The following PRKCE variants were observed in gnomAD, a reference collection of about 807,000 sequenced individuals.
PRKCE encodes the protein protein kinase C epsilon type.
In PRKCE, 16 loss-of-function variants were observed where a neutral mutation model predicts 85.4. The ratio of observed to expected loss-of-function variants is 0.19; its 90% CI spans 0.13 to 0.28. The LOEUF is 0.28. PRKCE is among the 10% of genes least tolerant of loss of function. The pLI is 1.00. For synonymous variants in PRKCE, 388 were observed against 371.5 expected, an observed-to-expected ratio of 1.04 and a Z score of -0.51; for missense variants, 573 against 975.2, an observed-to-expected ratio of 0.59 and a Z score of 5.49.
At chr2:46,075,096 A>C (rs1296650927) in intron 10 of PRKCE, among the ~76,000 whole-genome samples, 1 of 152,148 alleles carries the variant, frequency 6.6e-6, no homozygotes, top group East Asian at 1.9e-4. Context: ...GCTGGAGTGC[A>C]GTGGCGTGAT....
intron 1 of PRKCE, among the ~76,000 whole-genome samples, chr2:45,718,538 C>G (rs1257916584): frequency 6.6e-6 from 1 of 151,870 alleles, no homozygotes; most frequent in African/African-American, 2.4e-5. Flanking sequence ...GAGATGGAGT[C>G]TCACCATGTT....
intron 2 of PRKCE, among the ~76,000 whole-genome samples, chr2:45,868,374 G>A (rs1231523426): frequency 1.4e-5 from 2 of 145,620 alleles, no homozygotes; most frequent in African/African-American, 5.0e-5. Context: ...TCTTAGGTAA[G>A]GAAGGAAGGA....
At chr2:45,771,496 C>T (rs969483993) in intron 1 of PRKCE, among the ~76,000 whole-genome samples, 1 of 152,158 alleles carries the variant, frequency 6.6e-6, no homozygotes, top group Non-Finnish European at 1.5e-5. Context: ...TCCCCTGCAA[C>T]GGCCTCATCT....
chr2:45,846,819 G>A (rs1189202400), intron 2 of PRKCE, among the ~76,000 whole-genome samples: 1 of 152,184 alleles, frequency 6.6e-6, no homozygotes, highest in African/African-American at 2.4e-5. Context: ...GTAGGTGCTA[G>A]GCCAGGATTG....
intron 8 of PRKCE, among the ~76,000 whole-genome samples, chr2:46,005,793 T>C (rs552239208): frequency 2.6e-5 from 4 of 152,330 alleles, no homozygotes; most frequent in Admixed American, 2.6e-4. Flanking sequence ...TGTGTCTTTA[T>C]ACTCTACCTC....
At chr2:45,719,725 T>C (rs916449044) in intron 1 of PRKCE, among the ~76,000 whole-genome samples, 2 of 152,004 alleles carry the variant, frequency 1.3e-5, no homozygotes, top group African/African-American at 2.4e-5. Flanking sequence ...ACAATCTAGA[T>C]CAAACAAAAT....
At chr2:45,825,382 G>A (rs954066555) in intron 1 of PRKCE, among the ~76,000 whole-genome samples, 5 of 152,350 alleles carry the variant, frequency 3.3e-5, no homozygotes, top group South Asian at 2.1e-4. Flanking sequence ...GGTGTTTAGC[G>A]GTGAGGGGTG....
chr2:46,142,215 A>G (rs994651203), intron 11 of PRKCE, among the ~76,000 whole-genome samples: 2 of 151,998 alleles, frequency 1.3e-5, no homozygotes, highest in Non-Finnish European at 2.9e-5. Flanking sequence ...GGCTTCCCTG[A>G]GCTATCCCAT....
At position 46,185,958 on chromosome 2, in the gene PRKCE, T is replaced by G. The variant is rs1680417845; in HGVS notation, c.*1077T>G. On this transcript the variant is annotated 3_prime_UTR_variant, in exon 15 of 15. Transcript: ENST00000306156. The surrounding 1 kb of genome is among the most constrained non-coding windows in gnomAD (Gnocchi z 4.7). ...TGTTGTGGTTTTTAAACATTAAACA[T>G]GTAAAGTTATATACGAAATATCTGC... The G allele has an allele frequency of 6.6e-6, 1 of 152,374 alleles. No homozygotes were observed. Among genetic ancestry groups the G allele is most frequent in the African/African-American group, 2.4e-5 (1 of 41,468 alleles). 9.4% of individuals were successfully genotyped at this position (152,374 alleles called of 1,614,324 possible).
chr2:46,112,188 G>C (rs890436852), intron 11 of PRKCE, among the ~76,000 whole-genome samples: 1 of 152,108 alleles, frequency 6.6e-6, no homozygotes, highest in Non-Finnish European at 1.5e-5. Flanking sequence ...AGTCGTCTTT[G>C]TCTGAAGCTA....
At chr2:46,085,006 G>GT (rs958098114) in intron 10 of PRKCE, among the ~76,000 whole-genome samples, 27 of 152,102 alleles carry the variant, frequency 1.8e-4, no homozygotes, top group African/African-American at 4.3e-4. Flanking sequence ...CTCTTATTTT[G>GT]TTTTTTTATC....
chr2:45,716,146 G>A (rs572146973), intron 1 of PRKCE, among the ~76,000 whole-genome samples: 1 of 152,340 alleles, frequency 6.6e-6, no homozygotes, highest in Admixed American at 6.5e-5. Context: ...TGGAATCCCT[G>A]GGATGGTTGT....
intron 10 of PRKCE, among the ~76,000 whole-genome samples, chr2:46,069,150 G>T (rs142502987): frequency 6.6e-6 from 1 of 152,230 alleles, no homozygotes; most frequent in African/African-American, 2.4e-5. Context: ...AAGAGGAGAA[G>T]TGGCATGTCT....
chr2:45,908,222 G>A (rs1325785110), intron 2 of PRKCE, among the ~76,000 whole-genome samples: 1 of 152,156 alleles, frequency 6.6e-6, no homozygotes, highest in African/African-American at 2.4e-5. Context: ...TTGGCCCTAT[G>A]GATCTGCTTC....
chr2:46,136,197 A>G (rs11690961), intron 11 of PRKCE, among the ~76,000 whole-genome samples: 7 of 152,144 alleles, frequency 4.6e-5, no homozygotes, highest in Non-Finnish European at 7.3e-5. Flanking sequence ...TGGAATTTGC[A>G]TGCCAGGGAA....
chr2:45,978,470 A>C (rs1275834111), intron 3 of PRKCE: 3 of 153,288 alleles, frequency 2.0e-5, no homozygotes, highest in Non-Finnish European at 4.4e-5. Context: ...CACCTAGACA[A>C]CCTCTTGAAC....
chr2:45,675,431 G>A (rs1014262683), intron 1 of PRKCE: 1 of 152,182 alleles, frequency 6.6e-6, no homozygotes, highest in Admixed American at 6.5e-5. Context: ...TGAATACACT[G>A]TCATTTATAC....
At chr2:45,987,242 G>A (rs1703402509) in intron 6 of PRKCE, among the ~76,000 whole-genome samples, 1 of 152,070 alleles carries the variant, frequency 6.6e-6, no homozygotes, top group South Asian at 2.1e-4. Flanking sequence ...CCCTGCTCAA[G>A]GAAAGAAGGG....
At chr2:46,154,484 C>T (rs1416205728) in intron 13 of PRKCE, among the ~76,000 whole-genome samples, 2 of 145,436 alleles carry the variant, frequency 1.4e-5, no homozygotes, top group Admixed American at 6.9e-5. Context: ...CGCCCGCCGC[C>T]GCATTTCTCC....
Sources: gnomAD v4.1 joint callset for allele counts (sites outside exome capture counted in the v4.1 genomes callset) on GRCh38, gnomAD v4.1.1 for gene constraint, Gnocchi (gnomAD v3.1) non-coding constraint, MANE v1.5 for transcripts, NCBI Gene and HGNC (gene_info 2026-07-23, HGNC 2026-07-21) for gene names.